Variants in FYTTD1 observed in about 807,000 individuals in gnomAD.
FYTTD1 encodes UAP56-interacting factor.
FYTTD1 carries 22 observed loss-of-function variants against 40.9 expected under a neutral mutation model. That is an observed-to-expected ratio of 0.54 (90% confidence interval 0.38 to 0.77). FYTTD1 has a LOEUF of 0.77. Among genes scored for constraint, FYTTD1 ranks in the 30% least tolerant of loss-of-function variants. FYTTD1 has a pLI of 0.00. For missense variants in FYTTD1, 351 were observed against 392.2 expected (o/e 0.90, Z 0.89); for synonymous variants, 140 against 137.9 (o/e 1.01, Z -0.10).
intron 1 of FYTTD1, among the ~76,000 whole-genome samples, chr3:197,752,064 C>G (rs746651602): frequency 6.6e-6 from 1 of 152,144 alleles, no homozygotes; most frequent in African/African-American, 2.4e-5. Context: ...TTAGTAGAGA[C>G]AGGGTTTCAC....
intron 2 of FYTTD1, among the ~76,000 whole-genome samples, 170 bp from the exon 3 acceptor site, chr3:197,768,269 A>G (rs887965506): frequency 2.6e-5 from 4 of 152,186 alleles, no homozygotes; most frequent in African/African-American, 4.8e-5. Flanking sequence ...ACCCTTCCCA[A>G]TGCAGCAGAT....
chr3:197,766,457 G>GTGTGTGTGTGTGTT (rs1177062233), intron 2 of FYTTD1, among the ~76,000 whole-genome samples: 11 of 151,494 alleles, frequency 7.3e-5, no homozygotes, highest in African/African-American at 2.4e-4. Context: ...GTGTGTGTGT[G>GTGTGTGTGTGTGTT]TGTTTGAGAC....
intron 2 of FYTTD1, among the ~76,000 whole-genome samples, chr3:197,762,030 G>C (rs536985416): frequency 2.0e-5 from 3 of 152,280 alleles, no homozygotes; most frequent in Middle Eastern, 3.4e-3. Context: ...AAGAAGGCTA[G>C]AGAGCTCTCC....
At chr3:197,780,761 T>C (rs1445281289) in intron 8 of FYTTD1, among the ~76,000 whole-genome samples, 1 of 152,018 alleles carries the variant, frequency 6.6e-6, no homozygotes, top group East Asian at 1.9e-4. Flanking sequence ...GCCAGGCTGG[T>C]CTCAAACTCC....
intron 2 of FYTTD1, among the ~76,000 whole-genome samples, chr3:197,758,808 C>T (rs1436073430): frequency 1.3e-5 from 2 of 152,162 alleles, no homozygotes; most frequent in South Asian, 2.1e-4. Context: ...CAGATTTCCA[C>T]GTTGTAATGT....
At chr3:197,775,264 T>C (rs1479997559) in intron 6 of FYTTD1, among the ~76,000 whole-genome samples, 3 of 152,248 alleles carry the variant, frequency 2.0e-5, no homozygotes, top group African/African-American at 4.8e-5. Context: ...TATCCTGTTA[T>C]AATCACACCT....
At chr3:197,763,485 C>A in intron 2 of FYTTD1, 2 of 436,206 alleles carry the variant, frequency 4.6e-6, no homozygotes, top group African/African-American at 2.1e-5. Flanking sequence ...CTTTGGAGTC[C>A]TCAATTGTTA....
At chr3:197,773,265 T>C (rs1161757767) in intron 4 of FYTTD1, 138 bp from the exon 5 acceptor site, 7 of 601,744 alleles carry the variant, frequency 1.2e-5, no homozygotes, top group African/African-American at 5.6e-5. Context: ...TTCATGTTAA[T>C]AAGCAAATAA....
Position 197,782,838 on chromosome 3 carries a change from A to G in FYTTD1, c.*929A>G, listed in dbSNP as rs1029223771. The G allele has an allele frequency of 1.3e-5, 2 of 152,542 alleles. No individual in the cohort carries two copies. The highest frequency in any genetic ancestry group is 6.5e-5 in the Admixed American group (1 of 15,286). The allele number at this position is 152,542 out of a possible 1,614,324, so 9.4% of individuals were successfully genotyped here. On this transcript the variant is annotated 3_prime_UTR_variant, in exon 9 of 9. Transcript: ENST00000241502. ...AATGGAGTCCCTTGGATATTTTGAT[A>G]GTAAAATTAATAGCCATAAAGTCCT...
At position 197,773,490 on chromosome 3, in the gene FYTTD1, A is replaced by G; in HGVS notation, c.585A>G (p.Arg195=). The G allele has an allele frequency of 6.4e-7, 1 of 1,565,138 alleles. No individual in the cohort carries two copies. Among genetic ancestry groups the G allele is most frequent in the African/African-American group, 1.4e-5 (1 of 73,962 alleles). ...DTRQATFLFR[R]GLKVQAQLNT... ...GTCAGGCAACTTTTCTTTTCAGAAG[A>G]GGCCTGAAGGTATTTAAAAACTTTG... Residue 195 remains arginine, a synonymous_variant, in exon 5 of 9, where the codon AGA becomes AGG. Transcript: ENST00000241502.
At chr3:197,765,956 A>T (rs376825801) in intron 2 of FYTTD1, among the ~76,000 whole-genome samples, 24 of 152,162 alleles carry the variant, frequency 1.6e-4, no homozygotes, top group African/African-American at 5.8e-4. Context: ...AGATCACACC[A>T]CTGCACTCCA....
rs1235229728 is a variant in FYTTD1 at position 197,785,033 on chromosome 3, T to C, written c.*3124T>C. On this transcript the variant is annotated 3_prime_UTR_variant, in exon 9 of 9. Transcript: ENST00000241502. Reference sequence around the variant, plus strand: ...AAAATAGTGGAATGGTGTGTGGTTTTCAAATACCTAAGAATTGGTAATAGC... The same window carrying C: ...AAAATAGTGGAATGGTGTGTGGTTTCCAAATACCTAAGAATTGGTAATAGC... 6.6e-6 allele frequency: 1 copy of C among 152,242 alleles called. No individual in the cohort carries two copies. Among genetic ancestry groups the C allele is most frequent in the Non-Finnish European group, 1.5e-5 (1 of 68,038 alleles). The allele number at this position is 152,242 out of a possible 1,614,324, so 9.4% of individuals were successfully genotyped here.
chr3:197,768,430 C>T lies in FYTTD1; in HGVS notation c.236-9C>T, dbSNP rs751442674. ...ATTGACATTTTCTTCTGTTTTTGCC[C>T]TCCTATAGGTTTTGGTAAGACTAGT... is the stretch of plus-strand genomic sequence containing the variant. On this transcript the variant is annotated splice_polypyrimidine_tract_variant and intron_variant, in intron 2 of 8. Coordinates refer to ENST00000241502, the MANE Select transcript of FYTTD1 (RefSeq NM_032288.7). 5 of 1,578,394 alleles carry T rather than the reference C, an allele frequency of 3.2e-6. No individual in the cohort carries two copies. The South Asian group carries it at 3.5e-5, about 11-fold the overall frequency.
intron 8 of FYTTD1, 102 bp downstream of exon 8, chr3:197,778,566 C>T (rs749669983): frequency 5.2e-5 from 38 of 732,920 alleles, no homozygotes; most frequent in Non-Finnish European, 7.6e-5. Context: ...ATCCTAACTG[C>T]CCCCTGAAAC....
chr3:197,759,097 TTGTTCTTCAGTGGTAGAATGTATAGAG>T (rs1425054050), intron 2 of FYTTD1, among the ~76,000 whole-genome samples: 77 of 151,870 alleles, frequency 5.1e-4, no homozygotes, highest in Admixed American at 1.5e-3. Flanking sequence ...AAGTATAGAG[TTGTTCTTCAGTGGTAGAATGTATAGAG>T]TGTTCTTCAG....
At chr3:197,781,631 T>G (rs1328445900) in intron 8 of FYTTD1, among the ~76,000 whole-genome samples, 180 bp from the exon 9 acceptor site, 2 of 152,154 alleles carry the variant, frequency 1.3e-5, no homozygotes, top group Non-Finnish European at 2.9e-5. Flanking sequence ...ATATGTGTGT[T>G]TTATATAGTA....
At chr3:197,750,912 A>C (rs1006619244) in intron 1 of FYTTD1, 18 of 929,908 alleles carry the variant, frequency 1.9e-5, no homozygotes, top group Non-Finnish European at 1.8e-5. Flanking sequence ...ATTCCATTAA[A>C]ATCCAGCCCT....
At chr3:197,750,841 G>A (rs1372038623) in intron 1 of FYTTD1, 1 of 985,476 alleles carries the variant, frequency 1.0e-6, no homozygotes, top group South Asian at 4.7e-5. Context: ...TGGGGTTCTT[G>A]AGCGCATCTG....
intron 1 of FYTTD1, among the ~76,000 whole-genome samples, chr3:197,753,844 A>T (rs1040094387): frequency 6.6e-6 from 1 of 151,876 alleles, no homozygotes; most frequent in Non-Finnish European, 1.5e-5. Flanking sequence ...GGTTCACAAC[A>T]TTCTCCTGCC....
Sources: gnomAD v4.1 joint callset for allele counts (sites outside exome capture counted in the v4.1 genomes callset) on GRCh38, gnomAD v4.1.1 for gene constraint, MANE v1.5 for transcripts, NCBI Gene and HGNC (gene_info 2026-07-23, HGNC 2026-07-21) for gene names.